BNC2: variants seen among roughly 807,000 people sequenced by gnomAD.
The protein encoded by BNC2 is zinc finger protein basonuclin-2.
In BNC2, 20 loss-of-function variants were observed where a neutral mutation model predicts 76.3. The observed-to-expected ratio is 0.26, with a 90% CI of 0.18 to 0.38. The LOEUF is 0.38. Among genes scored for constraint, BNC2 ranks in the 10% least tolerant of loss-of-function variants. The pLI, the probability that BNC2 is intolerant of heterozygous loss-of-function variation, is 1.00. For synonymous variants in BNC2, 582 were observed against 514.8 expected (o/e 1.13, Z -1.77); for missense variants, 1,382 against 1,399.8 (o/e 0.99, Z 0.20).
chr9:16,736,641 A>G (rs1218145169), intron 2 of BNC2, among the ~76,000 whole-genome samples: 3 of 151,358 alleles, frequency 2.0e-5, no homozygotes, highest in South Asian at 2.1e-4. Flanking sequence ...ATGCCTGGGT[A>G]ATTTTTTTAT....
chr9:16,720,079 C>T (rs1760716916), intron 3 of BNC2, among the ~76,000 whole-genome samples: 1 of 152,196 alleles, frequency 6.6e-6, no homozygotes, highest in Admixed American at 6.5e-5. Flanking sequence ...GAATGATAAG[C>T]CAGGGCCCCT....
intron 3 of BNC2, among the ~76,000 whole-genome samples, chr9:16,640,745 G>A (rs1821469540): frequency 6.6e-6 from 1 of 152,148 alleles, no homozygotes; most frequent in South Asian, 2.1e-4. Context: ...CATCAAATTT[G>A]TAAACTTCAG....
chr9:16,710,443 TTTTC>T (rs568075530), intron 3 of BNC2, among the ~76,000 whole-genome samples: 2 of 152,168 alleles, frequency 1.3e-5, no homozygotes, highest in East Asian at 1.9e-4. Context: ...TTAATGAATG[TTTTC>T]TTTCTTTCAA....
intron 4 of BNC2, among the ~76,000 whole-genome samples, chr9:16,557,861 GT>G (rs1355497783): frequency 6.6e-6 from 1 of 150,696 alleles, no homozygotes; most frequent in Non-Finnish European, 1.5e-5. Context: ...TTTTGTTGTT[GT>G]TTGTTTGTTT....
chr9:16,799,838 T>G (rs10962608), intron 1 of BNC2, among the ~76,000 whole-genome samples: 32,078 of 152,046 alleles, frequency 0.21, 5,153 homozygotes, highest in East Asian at 0.74. Context: ...TTTTCAGAAC[T>G]TTTTTACCTT....
chr9:16,701,322 G>C (rs997988542), intron 3 of BNC2, among the ~76,000 whole-genome samples: 2 of 152,138 alleles, frequency 1.3e-5, no homozygotes, highest in Admixed American at 6.5e-5. Flanking sequence ...ATGCAGCAAG[G>C]GGGAAAGCAA....
chr9:16,839,076 C>T (rs1005828930), intron 1 of BNC2, among the ~76,000 whole-genome samples: 1 of 152,184 alleles, frequency 6.6e-6, no homozygotes, highest in Non-Finnish European at 1.5e-5. Flanking sequence ...AGAGCTGATA[C>T]ATAAAAGTTT....
At chr9:16,775,052 G>C (rs1369816822) in intron 1 of BNC2, among the ~76,000 whole-genome samples, 1 of 152,188 alleles carries the variant, frequency 6.6e-6, no homozygotes, top group Non-Finnish European at 1.5e-5. Context: ...TAGAACAGTT[G>C]TTTTCAAAGT....
At chr9:16,610,421 T>A (rs1820512509) in intron 3 of BNC2, among the ~76,000 whole-genome samples, 9 of 152,108 alleles carry the variant, frequency 5.9e-5, no homozygotes, top group Admixed American at 5.9e-4. Flanking sequence ...AATGTATGTA[T>A]GACAAGAAAG....
intron 5 of BNC2, among the ~76,000 whole-genome samples, chr9:16,521,710 C>T (rs773881351): frequency 6.6e-6 from 1 of 152,138 alleles, no homozygotes; most frequent in Non-Finnish European, 1.5e-5. Flanking sequence ...AGTGCTACTT[C>T]CTACTAACAG....
chr9:16,849,405 C>T (rs1819071866), intron 1 of BNC2, among the ~76,000 whole-genome samples: 1 of 125,018 alleles, frequency 8.0e-6, no homozygotes, highest in Non-Finnish European at 1.6e-5. Context: ...GTCGCCCAGG[C>T]TGGAGTACAG....
intron 3 of BNC2, among the ~76,000 whole-genome samples, chr9:16,584,291 A>G (rs1252514331): frequency 6.6e-6 from 1 of 152,224 alleles, no homozygotes; most frequent in East Asian, 1.9e-4. Context: ...TGGAACCATT[A>G]GGATTTTTAT....
In BNC2 at chr9:16,789,778, A is replaced by T. The variant is rs149377737; in HGVS notation, c.4-51293T>A. On this transcript the variant is annotated intron_variant, in intron 1 of 6. Coordinates refer to ENST00000380672, the MANE Select transcript of BNC2 (RefSeq NM_017637.6). The stretch of plus-strand genomic sequence containing the variant: ...TAAGATCCAAATTCTCTGAGAAACG[A>T]ACTACTATTCATTCACATGTGTACA... Among the ~76,000 whole-genome samples, 13 of 152,302 alleles carry T rather than the reference A, an allele frequency of 8.5e-5. No homozygotes were observed. The East Asian group carries it at 2.5e-3, about 29-fold the overall frequency.
chr9:16,863,453 G>T (rs903203372), intron 1 of BNC2, among the ~76,000 whole-genome samples: 1 of 152,186 alleles, frequency 6.6e-6, no homozygotes, highest in African/African-American at 2.4e-5. Context: ...CCAGCACTTT[G>T]GGAGGCCGAG....
At chr9:16,426,754 A>T (rs1273468953) in intron 6 of BNC2, among the ~76,000 whole-genome samples, 1 of 151,288 alleles carries the variant, frequency 6.6e-6, no homozygotes, top group Non-Finnish European at 1.5e-5. Flanking sequence ...TTAGAAACGG[A>T]TGATTTTTGT....
chr9:16,795,703 A>T (rs1266893163), intron 1 of BNC2, among the ~76,000 whole-genome samples: 2 of 152,166 alleles, frequency 1.3e-5, no homozygotes, highest in African/African-American at 4.8e-5. Flanking sequence ...ACACTTCATG[A>T]TTGTCATGAG....
At chr9:16,730,473 C>T (rs565206599) in intron 2 of BNC2, among the ~76,000 whole-genome samples, 36 of 152,274 alleles carry the variant, frequency 2.4e-4, no homozygotes, top group African/African-American at 8.2e-4. Context: ...TGCACAGCTC[C>T]GTAACTAAAT....
At chr9:16,562,674 T>C (rs1180900129) in intron 4 of BNC2, among the ~76,000 whole-genome samples, 2 of 152,212 alleles carry the variant, frequency 1.3e-5, no homozygotes, top group African/African-American at 4.8e-5. Flanking sequence ...AGTTCCTCTT[T>C]CATTAAGCAT....
chr9:16,736,570 G>A (rs1693097813), intron 2 of BNC2, among the ~76,000 whole-genome samples: 2 of 150,948 alleles, frequency 1.3e-5, no homozygotes, highest in African/African-American at 4.9e-5. Flanking sequence ...CCGCCTCCCA[G>A]GTTCAAGCGA....
Sources: gnomAD v4.1 joint callset for allele counts (sites outside exome capture counted in the v4.1 genomes callset) on GRCh38, gnomAD v4.1.1 for gene constraint, MANE v1.5 for transcripts, NCBI Gene and HGNC (gene_info 2026-07-23, HGNC 2026-07-21) for gene names.